Variants in GSPT1 observed in about 807,000 individuals in gnomAD.
GSPT1 encodes eukaryotic peptide chain release factor GTP-binding subunit ERF3A.
GSPT1 carries 20 observed loss-of-function variants against 72.5 expected under a neutral mutation model. That is an observed-to-expected ratio of 0.28 (90% CI 0.19 to 0.40). The LOEUF is 0.40. GSPT1 is among the 10% of genes least tolerant of loss of function. The pLI is 1.00. For missense variants in GSPT1, 580 were observed against 811.9 expected (o/e 0.71, Z 3.47); for synonymous variants, 334 against 293.5 (o/e 1.14, Z -1.41).
At position 11,869,317 on chromosome 16, in the gene GSPT1, G is replaced by C. The variant is rs773810638; in HGVS notation, c.*3802C>G. 1 of 152,136 alleles carries C rather than the reference G, an allele frequency of 6.6e-6. No homozygotes were observed. Among genetic ancestry groups the C allele is most frequent in the Non-Finnish European group, 1.5e-5 (1 of 68,024 alleles). The allele number at this position is 152,136 out of a possible 1,614,324, so 9.4% of individuals were successfully genotyped here. On this transcript the variant is annotated 3_prime_UTR_variant, in exon 15 of 15. Transcript: ENST00000434724. ...TTACTTAACAAGATGCTGCCATGGCGAGATCTCTCACGAAAGAAACAAGAT... is the reference window on the plus strand; with the variant it reads ...TTACTTAACAAGATGCTGCCATGGCCAGATCTCTCACGAAAGAAACAAGAT...
upstream of GSPT1, chr16:11,916,219 G>A (rs1292656725): frequency 5.8e-6 from 2 of 346,572 alleles, no homozygotes; most frequent in African/African-American, 4.4e-5. Context: ...GCTCCCGGCA[G>A]GCAACGCGAG....
At chr16:11,902,024 G>A (rs1284754042) in intron 1 of GSPT1, among the ~76,000 whole-genome samples, 2 of 151,224 alleles carry the variant, frequency 1.3e-5, no homozygotes, top group Admixed American at 1.3e-4. Context: ...GGGAGGCAGA[G>A]GTTGCAGTGA....
chr16:11,915,246 G>C, intron 1 of GSPT1, 123 bp downstream of exon 1: 3 of 1,169,396 alleles, frequency 2.6e-6, no homozygotes, highest in Non-Finnish European at 3.2e-6. Flanking sequence ...CCAGGCAGAC[G>C]GCGCCACTGT....
intron 6 of GSPT1, among the ~76,000 whole-genome samples, chr16:11,888,776 T>A (rs2054216477): frequency 6.6e-6 from 1 of 152,024 alleles, no homozygotes; most frequent in Admixed American, 6.6e-5. Flanking sequence ...AATAAATAAA[T>A]AAAATAAAAC....
At chr16:11,909,691 GAGACGGGTGGATCACTTGAGGTCA>G (rs2054532961) in intron 1 of GSPT1, among the ~76,000 whole-genome samples, 1 of 152,162 alleles carries the variant, frequency 6.6e-6, no homozygotes, top group Admixed American at 6.5e-5. Context: ...TTGGGAGGCC[GAGACGGGTGGATCACTTGAGGTCA>G]AGAGTTCGAG....
chr16:11,872,736 C>T lies in GSPT1; in HGVS notation c.*383G>A, dbSNP rs897648950. On this transcript the variant is annotated 3_prime_UTR_variant, in exon 15 of 15. Coordinates refer to ENST00000434724, the MANE Select transcript of GSPT1 (RefSeq NM_002094.4). Reference sequence around the variant, plus strand: ...TGCCTTTGTAACATGTGCACACACACTCGCACACTCAGAATGATCTGCCTG... The same window carrying T: ...TGCCTTTGTAACATGTGCACACACATTCGCACACTCAGAATGATCTGCCTG... 5.8e-6 allele frequency: 1 copy of T among 172,370 alleles called. No individual in the cohort carries two copies. Among genetic ancestry groups the T allele is most frequent in the African/African-American group, 2.4e-5 (1 of 42,250 alleles). The allele number at this position is 172,370 out of a possible 1,614,324, so 10.7% of individuals were successfully genotyped here.
chr16:11,899,848 TA>T (rs1315792492), intron 1 of GSPT1, among the ~76,000 whole-genome samples: 2 of 152,090 alleles, frequency 1.3e-5, no homozygotes, highest in Admixed American at 1.3e-4. Flanking sequence ...CCTGGCTTAT[TA>T]CAAGCTGTGC....
intron 9 of GSPT1, among the ~76,000 whole-genome samples, chr16:11,885,743 T>C (rs536577027): frequency 5.3e-4 from 80 of 152,020 alleles, no homozygotes; most frequent in African/African-American, 1.9e-3. Context: ...AATACAAAAA[T>C]CAGCCGGGTG....
chr16:11,903,235 G>A (rs1045542588), intron 1 of GSPT1, among the ~76,000 whole-genome samples: 9 of 152,214 alleles, frequency 5.9e-5, no homozygotes, highest in African/African-American at 2.2e-4. Flanking sequence ...TTCAAGCCAG[G>A]CACGGTGGCT....
At chr16:11,912,355 A>C (rs1384601655) in intron 1 of GSPT1, among the ~76,000 whole-genome samples, 2 of 152,034 alleles carry the variant, frequency 1.3e-5, no homozygotes, top group Admixed American at 6.6e-5. Flanking sequence ...CTCAAAAAAA[A>C]AAAAAAACAA....
In GSPT1 at chr16:11,915,782, C is replaced by G. The variant is rs749686053; in HGVS notation, c.-62G>C. ...GGAAATGGAGGCAGGGGCGCCCGGC[C>G]GGAGAGGAGTGGGCAACGCTGACTG... is the stretch of plus-strand genomic sequence containing the variant. On this transcript the variant is annotated 5_prime_UTR_variant, in exon 1 of 15. Coordinates refer to ENST00000434724, the MANE Select transcript of GSPT1 (RefSeq NM_002094.4). The G allele has an allele frequency of 9.5e-6, 15 of 1,577,380 alleles. No homozygotes were observed. In the African/African-American group the frequency reaches 2.0e-4, roughly 21 times the overall value.
In GSPT1 at chr16:11,896,504, G is replaced by C. The variant is rs190526384; in HGVS notation, c.664+54C>G. On this transcript the variant is annotated intron_variant, in intron 4 of 14. Transcript: ENST00000434724. ...TAAACATCTCCAGGTAGCTAAAAAG[G>C]ATGTTCTATGTTTTATGTATCCAGT... 1.2e-5 allele frequency: 11 copies of C among 929,902 alleles called. No individual in the cohort carries two copies. The African/African-American group carries it at 1.8e-4, about 15-fold the overall frequency. The allele number at this position is 929,902 out of a possible 1,614,324, so 57.6% of individuals were successfully genotyped here. A position where few individuals can be genotyped will look rare whatever the true frequency, so the allele number is the denominator to read the frequency against.
chr16:11,873,394 C>T (rs887885177), intron 14 of GSPT1, among the ~76,000 whole-genome samples: 2 of 152,118 alleles, frequency 1.3e-5, no homozygotes, highest in African/African-American at 4.8e-5. Context: ...AAAAACCTAT[C>T]TCCCCCCGTA....
At chr16:11,905,758 C>T (rs548757863) in intron 1 of GSPT1, among the ~76,000 whole-genome samples, 16 of 152,178 alleles carry the variant, frequency 1.1e-4, no homozygotes, top group African/African-American at 3.6e-4. Context: ...TGGCTTGAAC[C>T]GGGGAGGTGG....
chr16:11,904,610 C>A (rs1053894637), intron 1 of GSPT1, among the ~76,000 whole-genome samples: 2 of 151,902 alleles, frequency 1.3e-5, no homozygotes, highest in African/African-American at 4.8e-5. Flanking sequence ...TCCTACTTGG[C>A]CAGCATATCC....
At chr16:11,900,866 G>A (rs899667607) in intron 1 of GSPT1, among the ~76,000 whole-genome samples, 3 of 151,928 alleles carry the variant, frequency 2.0e-5, no homozygotes, top group African/African-American at 7.2e-5. Context: ...ACAATGGATT[G>A]TAAGTTGCAA....
chr16:11,909,961 C>T (rs905231795), intron 1 of GSPT1, among the ~76,000 whole-genome samples: 2 of 151,898 alleles, frequency 1.3e-5, no homozygotes, highest in South Asian at 2.1e-4. Flanking sequence ...AGCCAGGCGT[C>T]ATGGTGGGTG....
intron 6 of GSPT1, among the ~76,000 whole-genome samples, chr16:11,890,339 G>C (rs1333305393): frequency 6.6e-6 from 1 of 152,144 alleles, no homozygotes; most frequent in Non-Finnish European, 1.5e-5. Flanking sequence ...CCATGTGGGA[G>C]CAATGGTTAC....
At chr16:11,916,041 C>T, upstream of GSPT1, 1 of 627,966 alleles carries the variant, frequency 1.6e-6, no homozygotes, top group Non-Finnish European at 3.0e-6. Context: ...GCCACCCGTA[C>T]CTTCGCCTCG....
Sources: allele counts gnomAD v4.1 joint callset (sites outside exome capture counted in the v4.1 genomes callset), GRCh38; gene constraint gnomAD v4.1.1; transcripts MANE v1.5; gene names NCBI Gene and HGNC (gene_info 2026-07-23, HGNC 2026-07-21).